The following FHIT variants were observed in gnomAD, a reference collection of about 807,000 sequenced individuals.
The protein encoded by FHIT is fragile histidine triad diadenosine triphosphatase.
FHIT carries 19 observed loss-of-function variants against 17.9 expected under a neutral mutation model. The observed-to-expected ratio is 1.06, with a 90% CI of 0.74 to 1.56. The LOEUF (loss-of-function observed/expected upper bound fraction) is 1.56, where lower values mean the gene tolerates loss of function less well. FHIT is among the 40% of genes most tolerant of loss of function. The pLI is 0.00. For synonymous variants in FHIT, 81 were observed against 69.7 expected, an observed-to-expected ratio of 1.16 and a Z score of -0.81; for missense variants, 248 against 189.2, an observed-to-expected ratio of 1.31 and a Z score of -1.82.
intron 3 of FHIT, among the ~76,000 whole-genome samples, chr3:60,935,533 GA>G (rs1177005859): frequency 6.6e-6 from 1 of 152,304 alleles, no homozygotes; most frequent in Non-Finnish European, 1.5e-5. Flanking sequence ...TCATTATTTG[GA>G]AAAAGTTTCA....
At chr3:60,599,387 G>T (rs1223310471) in intron 4 of FHIT, among the ~76,000 whole-genome samples, 1 of 152,062 alleles carries the variant, frequency 6.6e-6, no homozygotes, top group Non-Finnish European at 1.5e-5. Context: ...GAAAACAAAA[G>T]GTAGTTCTTA....
intron 5 of FHIT, among the ~76,000 whole-genome samples, chr3:60,435,948 T>C (rs1173482666): frequency 6.6e-6 from 1 of 152,180 alleles, no homozygotes; most frequent in South Asian, 2.1e-4. Flanking sequence ...CTAAGGATAA[T>C]GGCCTCCAGC....
chr3:59,903,467 G>A (rs796665242), intron 8 of FHIT, among the ~76,000 whole-genome samples: 29 of 152,288 alleles, frequency 1.9e-4, no homozygotes, highest in African/African-American at 6.7e-4. Flanking sequence ...GTTACTATAT[G>A]GAAAGTTCTT....
intron 3 of FHIT, among the ~76,000 whole-genome samples, chr3:61,022,748 T>C (rs2032516917): frequency 6.6e-6 from 1 of 152,138 alleles, no homozygotes; most frequent in African/African-American, 2.4e-5. Context: ...AAAAACCACA[T>C]GATTAACTCA....
At chr3:60,038,124 T>C (rs1019269986) in intron 5 of FHIT, among the ~76,000 whole-genome samples, 1 of 152,164 alleles carries the variant, frequency 6.6e-6, no homozygotes, top group Non-Finnish European at 1.5e-5. Flanking sequence ...GCTGATAGAT[T>C]AGTAGGTTTT....
At chr3:59,824,810 T>G (rs1357754390) in intron 8 of FHIT, among the ~76,000 whole-genome samples, 2 of 152,166 alleles carry the variant, frequency 1.3e-5, no homozygotes, top group East Asian at 3.9e-4. Context: ...CTTCTAACTT[T>G]TCTCTATCCT....
intron 8 of FHIT, among the ~76,000 whole-genome samples, chr3:59,752,803 G>T (rs1666057): frequency 6.6e-6 from 1 of 151,942 alleles, no homozygotes; most frequent in Non-Finnish European, 1.5e-5. Context: ...TGATTGAAAG[G>T]TTCCTGAGGC....
At chr3:60,660,729 C>CTTTTTTTTTTTTTTTTTTATTTTTTTT (rs2040224144) in intron 4 of FHIT, among the ~76,000 whole-genome samples, 1 of 37,278 alleles carries the variant, frequency 2.7e-5, no homozygotes, top group Non-Finnish European at 5.5e-5. Context: ...TTATTGTGCT[C>CTTTTTTTTTTTTTTTTTTATTTTTTTT]TTTTTTTTTT....
At chr3:60,014,466 T>C (rs1458351608) in intron 5 of FHIT, among the ~76,000 whole-genome samples, 2 of 152,182 alleles carry the variant, frequency 1.3e-5, no homozygotes, top group African/African-American at 2.4e-5. Flanking sequence ...CTATTCTAGA[T>C]CATTCTCTCT....
chr3:60,625,535 G>A (rs62249123), intron 4 of FHIT, among the ~76,000 whole-genome samples: 17,089 of 151,926 alleles, frequency 0.11, 1,202 homozygotes, highest in Non-Finnish European at 0.15. Flanking sequence ...CTTTTTATGG[G>A]CTTATTGGTC....
intron 5 of FHIT, among the ~76,000 whole-genome samples, chr3:60,456,213 T>C (rs2032082056): frequency 6.6e-6 from 1 of 152,206 alleles, no homozygotes; most frequent in South Asian, 2.1e-4. Flanking sequence ...ATTTTTAAAG[T>C]ATAACTTTTT....
intron 4 of FHIT, among the ~76,000 whole-genome samples, chr3:60,810,028 T>C (rs1236196832): frequency 1.3e-5 from 2 of 152,212 alleles, no homozygotes; most frequent in African/African-American, 4.8e-5. Context: ...ACTGCGGTGA[T>C]GATAAGGCCT....
At chr3:59,814,077 C>T (rs997240834) in intron 8 of FHIT, among the ~76,000 whole-genome samples, 5 of 151,960 alleles carry the variant, frequency 3.3e-5, no homozygotes, top group African/African-American at 1.2e-4. Flanking sequence ...CACACACACC[C>T]GACGGTGAAT....
At position 60,882,246 on chromosome 3, in the gene FHIT, A is replaced by G. The variant is rs148435672; in HGVS notation, c.-110-60235T>C. ...GAATCAATAATTTTAAAAATGTTCT[A>G]TCAAAGAAAAGCCCAGGACCTGATA... On this transcript the variant is annotated intron_variant, in intron 3 of 9. Transcript: ENST00000492590. 5.7e-4 allele frequency among the ~76,000 whole-genome samples: 87 copies of G among 152,250 alleles called. 1 individual carries two copies. The highest frequency in any genetic ancestry group is 2.0e-3 in the African/African-American group (84 of 41,576).
chr3:61,245,003 G>A lies in FHIT; in HGVS notation c.-213+6298C>T, dbSNP rs142143826. Among the ~76,000 whole-genome samples the A allele has an allele frequency of 2.1e-3, 316 of 152,196 alleles. 2 individuals are homozygous for A. The highest frequency in any genetic ancestry group is 7.2e-3 in the African/African-American group (301 of 41,528). On this transcript the variant is annotated intron_variant, in intron 1 of 9. Transcript: ENST00000492590. ...TGAGGAAAAGATACTTCTCCTCCCC[G>A]ACCCCATAATACGCCAACTTTTACA...
chr3:60,573,835 A>G (rs2037472191), intron 4 of FHIT, among the ~76,000 whole-genome samples: 2 of 151,476 alleles, frequency 1.3e-5, no homozygotes, highest in African/African-American at 4.9e-5. Flanking sequence ...TTCGAGATGG[A>G]GTCTTGCTCT....
rs563162229 is a variant in FHIT at position 59,897,586 on chromosome 3, C to T, written c.348+24760G>A. 2.6e-5 allele frequency among the ~76,000 whole-genome samples: 4 copies of T among 152,228 alleles called. No homozygotes were observed. In the East Asian group the frequency reaches 7.7e-4, roughly 29 times the overall value. On this transcript the variant is annotated intron_variant, in intron 8 of 9. Coordinates refer to ENST00000492590, the MANE Select transcript of FHIT (RefSeq NM_002012.4). ...TTATTTGATAAATACTTGTTGGATG[C>T]TCAAGTGAAATAATGAAGCCATCTT...
At chr3:60,017,270 C>T (rs1397383927) in intron 5 of FHIT, among the ~76,000 whole-genome samples, 1 of 152,168 alleles carries the variant, frequency 6.6e-6, no homozygotes, top group African/African-American at 2.4e-5. Flanking sequence ...CAGACGAGAC[C>T]TACAATCCCA....
At chr3:61,232,993 C>T (rs2040143179) in intron 1 of FHIT, among the ~76,000 whole-genome samples, 1 of 152,120 alleles carries the variant, frequency 6.6e-6, no homozygotes, top group Admixed American at 6.5e-5. Context: ...TGGCTACTAC[C>T]TTAAGGGAGA....
Sources: gnomAD v4.1 joint callset for allele counts (sites outside exome capture counted in the v4.1 genomes callset) on GRCh38, gnomAD v4.1.1 for gene constraint, MANE v1.5 for transcripts, NCBI Gene and HGNC (gene_info 2026-07-23, HGNC 2026-07-21) for gene names.